The following ADAM20 variants were observed in gnomAD, a reference collection of about 807,000 sequenced individuals.
ADAM20 encodes ADAM metallopeptidase domain 20.
For synonymous variants in ADAM20, 305 were observed against 310.2 expected (o/e 0.98, Z 0.18); for missense variants, 871 against 883.2 (o/e 0.99, Z 0.18).
chr14:70,554,501 T>G, the ADAM20 span, among the ~76,000 whole-genome samples: 1 of 152,018 alleles, frequency 6.6e-6, no homozygotes, highest in East Asian at 1.9e-4. Flanking sequence ...TGTCGACAGA[T>G]GAATGGATAA....
Position 70,524,684 on chromosome 14 carries a change from A to G in ADAM20, c.74T>C (p.Ile25Thr). 1 of 1,614,000 alleles carries G rather than the reference A, an allele frequency of 6.2e-7. No individual in the cohort carries two copies. The change falls in exon 2 of 2, where the codon ATT becomes ACT. Residue 25 changes from isoleucine (I) to threonine (T), a missense_variant. By Grantham distance (89) the Ile-to-Thr change is moderately conservative. Transcript: ENST00000256389. ...LLLWFGMFLS[I>T]SGHSQARPSQ... is the part of the protein sequence containing the mutation. ...GGGCCTGGCCTGAGAGTGGCCAGAA[A>G]TAGACAAAAACATCCCAAACCAGAG...
At position 70,523,017 on chromosome 14, in the gene ADAM20, C is replaced by T; in HGVS notation, c.1741G>A (p.Val581Met). 2 of 1,614,046 alleles carry T rather than the reference C, an allele frequency of 1.2e-6. No individual in the cohort carries two copies. Among genetic ancestry groups the T allele is most frequent in the East Asian group, 2.2e-5 (1 of 44,882 alleles). The change falls in exon 2 of 2, where the codon GTG becomes ATG. Residue 581 changes from valine (V) to methionine (M), a missense_variant. Coordinates refer to ENST00000256389, the MANE Select transcript of ADAM20 (RefSeq NM_003814.5). ...VIPNLIEHST[V>M]QQFHLNDTTC... ...GTGTCATTGAGGTGAAACTGCTGCA[C>T]TGTAGAATGCTCTATCAGATTGGGA...
the ADAM20 span, among the ~76,000 whole-genome samples, chr14:70,559,939 C>A: frequency 6.6e-6 from 1 of 152,140 alleles, no homozygotes; most frequent in Non-Finnish European, 1.5e-5. Context: ...GGAGGTTATT[C>A]TTTTATTGCT....
chr14:70,573,714 T>C, the ADAM20 span, among the ~76,000 whole-genome samples: 1 of 152,162 alleles, frequency 6.6e-6, no homozygotes, highest in East Asian at 1.9e-4. Context: ...AAAATGGTAA[T>C]TAAAAGAGCA....
At chr14:70,539,986 A>G (rs201768084), upstream of ADAM20, among the ~76,000 whole-genome samples, 2 of 152,210 alleles carry the variant, frequency 1.3e-5, no homozygotes, top group East Asian at 3.8e-4. Flanking sequence ...GCCTGGGAAC[A>G]AAGAGAGAGC....
chr14:70,562,741 C>T, the ADAM20 span, among the ~76,000 whole-genome samples: 6 of 152,156 alleles, frequency 3.9e-5, no homozygotes, highest in Admixed American at 2.0e-4. Flanking sequence ...GCTTCCCCTT[C>T]GCCTTCTGCC....
At chr14:70,556,118 G>A in the ADAM20 span, 1 of 152,440 alleles carries the variant, frequency 6.6e-6, no homozygotes, top group East Asian at 1.9e-4. Flanking sequence ...GAAGGCTGCA[G>A]CAGGACGCTC....
the ADAM20 span, among the ~76,000 whole-genome samples, chr14:70,569,190 G>A: frequency 2.2e-4 from 34 of 152,010 alleles, no homozygotes; most frequent in African/African-American, 8.2e-4. Context: ...TCATAAATAA[G>A]GGAGAAATAA....
intron 1 of ADAM20, among the ~76,000 whole-genome samples, chr14:70,533,686 GCAGCAAACCACCATGGCACATGTA>G (rs1883764984): frequency 6.6e-6 from 1 of 151,780 alleles, no homozygotes; most frequent in South Asian, 2.1e-4. Flanking sequence ...GTTGATGGGT[GCAGCAAACCACCATGGCACATGTA>G]TACCTATGTA....
the ADAM20 span, among the ~76,000 whole-genome samples, chr14:70,561,798 T>C: frequency 6.6e-6 from 1 of 152,236 alleles, no homozygotes; most frequent in Non-Finnish European, 1.5e-5. Context: ...GCCTGCAGGA[T>C]GCAGAAGGCA....
At chr14:70,532,370 T>A (rs1242271129) in intron 1 of ADAM20, among the ~76,000 whole-genome samples, 1 of 151,946 alleles carries the variant, frequency 6.6e-6, no homozygotes, top group East Asian at 1.9e-4. Flanking sequence ...TATAAAACTT[T>A]AAAAAAACAC....
the ADAM20 span, among the ~76,000 whole-genome samples, chr14:70,555,519 T>TTCTTGGGAAACTCTTGCA: frequency 4.1e-4 from 62 of 152,340 alleles, no homozygotes; most frequent in African/African-American, 1.5e-3. Context: ...CTCTTAGTCT[T>TTCTTGGGAAACTCTTGCA]TCTTGGGAAA....
the ADAM20 span, among the ~76,000 whole-genome samples, chr14:70,559,533 T>A: frequency 6.6e-6 from 1 of 152,266 alleles, no homozygotes; most frequent in Non-Finnish European, 1.5e-5. Context: ...TGTTTTAATA[T>A]GAGTCATATC....
Position 70,525,068 on chromosome 14 carries a change from G to T in ADAM20, c.-176-135C>A, listed in dbSNP as rs914955258. 5.3e-6 allele frequency: 4 copies of T among 760,360 alleles called. No homozygotes were observed. In the African/African-American group the frequency reaches 5.3e-5, roughly 10 times the overall value. The allele number at this position is 760,360 out of a possible 1,614,324, so 47.1% of individuals were successfully genotyped here. A position where few individuals can be genotyped will look rare whatever the true frequency, so the allele number is the denominator to read the frequency against. ...GGATTCTCTTAATACATATGGCCAA[G>T]AAGATTTCCAGATAGGGGAGATTGC... On this transcript the variant is annotated intron_variant, in intron 1 of 1. Transcript: ENST00000256389.
the ADAM20 span, among the ~76,000 whole-genome samples, chr14:70,564,913 T>G: frequency 6.6e-6 from 1 of 150,984 alleles, no homozygotes; most frequent in African/African-American, 2.4e-5. Context: ...ACAGGCATGG[T>G]AGTGTATGCC....
intron 1 of ADAM20, among the ~76,000 whole-genome samples, chr14:70,529,832 CTACAA>C (rs780234986): frequency 1.1e-4 from 16 of 152,124 alleles, no homozygotes; most frequent in Admixed American, 3.3e-4. Context: ...TGCACTTAGG[CTACAA>C]TACATTTATT....
chr14:70,545,302 C>T, the ADAM20 span, among the ~76,000 whole-genome samples: 3 of 152,152 alleles, frequency 2.0e-5, no homozygotes, highest in Non-Finnish European at 2.9e-5. Flanking sequence ...TGACCCTTCC[C>T]CCATCCCACC....
At chr14:70,575,746 A>C in the ADAM20 span, among the ~76,000 whole-genome samples, 17 of 152,206 alleles carry the variant, frequency 1.1e-4, no homozygotes, top group Non-Finnish European at 2.2e-4. Flanking sequence ...AGTAACTATA[A>C]TTCTAGGTAA....
chr14:70,544,506 G>A, the ADAM20 span, among the ~76,000 whole-genome samples: 63 of 151,930 alleles, frequency 4.1e-4, no homozygotes, highest in African/African-American at 1.5e-3. Context: ...TGGCTTTCAT[G>A]GTATATATGA....
Sources: allele counts gnomAD v4.1 joint callset (sites outside exome capture counted in the v4.1 genomes callset), GRCh38; gene constraint gnomAD v4.1.1; transcripts MANE v1.5; gene names NCBI Gene and HGNC (gene_info 2026-07-23, HGNC 2026-07-21).